RANBP2: variants seen among roughly 807,000 people sequenced by gnomAD.
The protein encoded by RANBP2 is E3 SUMO-protein ligase RanBP2.
A neutral mutation model predicts 303.6 loss-of-function variants in RANBP2; 57 were observed. The observed-to-expected ratio is 0.19, with a 90% CI of 0.15 to 0.23. The LOEUF (loss-of-function observed/expected upper bound fraction) is 0.23. Ranked by LOEUF, RANBP2 falls within the 10% of genes least tolerant of loss-of-function variation. RANBP2 has a pLI of 1.00. For missense variants in RANBP2, 3,138 were observed against 3,780.8 expected (o/e 0.83, Z 4.46); for synonymous variants, 1,167 against 1,301.5 (o/e 0.90, Z 2.23).
the RANBP2 span, among the ~76,000 whole-genome samples, chr2:109,435,055 CAAAGAATGGCAGAGCCAGGAATAAACATT>C: frequency 6.6e-6 from 1 of 152,022 alleles, no homozygotes; most frequent in Non-Finnish European, 1.5e-5. Context: ...CTGTGTTTTC[CAAAGAATGGCAGAGCCAGGAATAAACATT>C]AAGGAAAAGC....
the RANBP2 span, among the ~76,000 whole-genome samples, chr2:108,875,425 GATAAACCA>G: frequency 6.6e-6 from 1 of 151,710 alleles, no homozygotes; most frequent in Non-Finnish European, 1.5e-5. Context: ...CAAGTCAAAA[GATAAACCA>G]ATATTCTGCC....
At chr2:109,069,375 T>C in the RANBP2 span, among the ~76,000 whole-genome samples, 1 of 152,224 alleles carries the variant, frequency 6.6e-6, no homozygotes, top group African/African-American at 2.4e-5. Flanking sequence ...CATATGGTAG[T>C]AGATGCAATC....
the RANBP2 span, among the ~76,000 whole-genome samples, chr2:109,518,655 G>A: frequency 6.6e-6 from 1 of 152,144 alleles, no homozygotes; most frequent in Non-Finnish European, 1.5e-5. Context: ...GAACTTTGTT[G>A]TAATTTTTTT....
chr2:109,059,805 C>G, the RANBP2 span, among the ~76,000 whole-genome samples: 2 of 147,608 alleles, frequency 1.4e-5, no homozygotes, highest in Non-Finnish European at 3.0e-5. Flanking sequence ...GCCCCATGCC[C>G]TGCAGTGTAG....
chr2:109,339,166 G>A, the RANBP2 span, among the ~76,000 whole-genome samples: 2 of 151,610 alleles, frequency 1.3e-5, no homozygotes, highest in African/African-American at 4.9e-5. Flanking sequence ...AGAGGAGGTG[G>A]ACGGGTAGGC....
chr2:109,505,773 C>G, the RANBP2 span, among the ~76,000 whole-genome samples: 1 of 152,170 alleles, frequency 6.6e-6, no homozygotes, highest in Admixed American at 6.5e-5. Flanking sequence ...TATCCAATGT[C>G]AAGTCTACCC....
chr2:109,137,438 G>C, the RANBP2 span, among the ~76,000 whole-genome samples: 1 of 152,252 alleles, frequency 6.6e-6, no homozygotes, highest in African/African-American at 2.4e-5. Context: ...TGGAGCAGAT[G>C]CTCTGGAAGT....
the RANBP2 span, among the ~76,000 whole-genome samples, chr2:109,348,861 A>G: frequency 1.3e-5 from 2 of 152,058 alleles, no homozygotes; most frequent in Non-Finnish European, 2.9e-5. Context: ...CCAGAATCCT[A>G]ATGCAGATCT....
chr2:109,552,703 G>T, the RANBP2 span: 3 of 185,150 alleles, frequency 1.6e-5, no homozygotes, highest in African/African-American at 2.4e-5. Context: ...TTTTAGCCTT[G>T]GCACTAACAA....
At chr2:109,153,452 G>A in the RANBP2 span, among the ~76,000 whole-genome samples, 7 of 152,170 alleles carry the variant, frequency 4.6e-5, no homozygotes, top group Non-Finnish European at 7.3e-5. Context: ...AAGAAGTAAC[G>A]AAGGTATGAA....
the RANBP2 span, among the ~76,000 whole-genome samples, chr2:109,016,069 A>G: frequency 2.0e-5 from 3 of 147,314 alleles, no homozygotes; most frequent in Non-Finnish European, 4.6e-5. Context: ...AGGTGGTGTT[A>G]TTGGTTTTTT....
At chr2:108,971,684 T>G in the RANBP2 span, among the ~76,000 whole-genome samples, 2 of 152,202 alleles carry the variant, frequency 1.3e-5, no homozygotes, top group Non-Finnish European at 2.9e-5. Context: ...TAGAGCAATT[T>G]GCCCAAGGTT....
chr2:109,234,502 G>A, the RANBP2 span, among the ~76,000 whole-genome samples: 1 of 152,238 alleles, frequency 6.6e-6, no homozygotes, highest in East Asian at 1.9e-4. Context: ...TTCTCAGCGA[G>A]TAGCTTGTAT....
chr2:109,139,752 A>G, the RANBP2 span, among the ~76,000 whole-genome samples: 7 of 152,244 alleles, frequency 4.6e-5, no homozygotes, highest in Admixed American at 1.3e-4. Flanking sequence ...GGCACCTGCT[A>G]TGGGTCAGCA....
the RANBP2 span, among the ~76,000 whole-genome samples, chr2:109,467,871 C>A: frequency 6.6e-6 from 1 of 152,112 alleles, no homozygotes; most frequent in Non-Finnish European, 1.5e-5. Flanking sequence ...TCATTCACAT[C>A]CCTCACAGAC....
chr2:109,433,276 A>G, the RANBP2 span, among the ~76,000 whole-genome samples: 1 of 152,262 alleles, frequency 6.6e-6, no homozygotes, highest in African/African-American at 2.4e-5. Flanking sequence ...GAAAAATGAT[A>G]TCTTCCCAAA....
the RANBP2 span, among the ~76,000 whole-genome samples, chr2:109,034,532 C>T: frequency 6.6e-6 from 1 of 152,122 alleles, no homozygotes; most frequent in Non-Finnish European, 1.5e-5. Context: ...AGCCAGCAGG[C>T]AGAGGGAGGC....
At chr2:109,467,021 T>G in the RANBP2 span, among the ~76,000 whole-genome samples, 2 of 152,338 alleles carry the variant, frequency 1.3e-5, no homozygotes, top group Admixed American at 1.3e-4. Context: ...TTTAAAGGGT[T>G]AGGCTGAGAA....
At chr2:109,340,187 C>T in the RANBP2 span, among the ~76,000 whole-genome samples, 3 of 152,142 alleles carry the variant, frequency 2.0e-5, no homozygotes, top group Non-Finnish European at 4.4e-5. Flanking sequence ...CCACCTGGAT[C>T]CAGTCCTGTC....
Sources: gnomAD v4.1 joint callset for allele counts (sites outside exome capture counted in the v4.1 genomes callset) on GRCh38, gnomAD v4.1.1 for gene constraint, MANE v1.5 for transcripts, NCBI Gene and HGNC (gene_info 2026-07-23, HGNC 2026-07-21) for gene names.